The following CFAP47 variants were observed in gnomAD, a reference collection of about 807,000 sequenced individuals.
The protein encoded by CFAP47 is cilia and flagella associated protein 47.
In CFAP47, 29 loss-of-function variants were observed where a neutral mutation model predicts 148.1. The observed-to-expected ratio is 0.20, with a 90% confidence interval of 0.15 to 0.27. The LOEUF (loss-of-function observed/expected upper bound fraction) is 0.27, where lower values mean the gene tolerates loss of function less well. Among genes scored for constraint, CFAP47 ranks in the 10% least tolerant of loss-of-function variants. The pLI is 1.00. For synonymous variants in CFAP47, 664 were observed against 577.3 expected, an observed-to-expected ratio of 1.15 and a Z score of -2.15; for missense variants, 1,872 against 1,697.5, an observed-to-expected ratio of 1.10 and a Z score of -1.81.
chrX:36,090,864 T>C (rs1938172370), intron 30 of CFAP47, among the ~76,000 whole-genome samples: 1 of 111,879 alleles, frequency 8.9e-6, no homozygotes, highest in African/African-American at 3.2e-5. Context: ...GCTAGGATTT[T>C]TTAAGAAACA....
chrX:36,368,587 G>A (rs1411654527), intron 62 of CFAP47, among the ~76,000 whole-genome samples: 2 of 111,405 alleles, frequency 1.8e-5, no homozygotes, highest in Non-Finnish European at 3.8e-5. Flanking sequence ...TTCTCTTACA[G>A]TTTGAAAATA....
chrX:36,005,392 C>G (rs983373702), intron 21 of CFAP47, among the ~76,000 whole-genome samples: 11 of 111,803 alleles, frequency 9.8e-5, no homozygotes, highest in African/African-American at 3.6e-4. Context: ...TTCAGTTTTA[C>G]TCTTCAAAAT....
intron 33 of CFAP47, among the ~76,000 whole-genome samples, chrX:36,132,434 A>C (rs1346281094): frequency 8.9e-6 from 1 of 111,741 alleles, no homozygotes; most frequent in African/African-American, 3.2e-5. Flanking sequence ...ATATTTTGCT[A>C]GGTGTTGGGT....
At chrX:36,338,035 A>ATTTTTTTTTT (rs1209274928) in intron 57 of CFAP47, among the ~76,000 whole-genome samples, 97 of 46,564 alleles carry the variant, frequency 2.1e-3, no homozygotes, top group East Asian at 3.2e-3. Context: ...ACGCCTGGCT[A>ATTTTTTTTTT]TTTTTTTTTT....
intron 33 of CFAP47, among the ~76,000 whole-genome samples, chrX:36,128,682 T>A (rs1336634702): frequency 9.1e-6 from 1 of 110,349 alleles, no homozygotes; most frequent in Non-Finnish European, 1.9e-5. Context: ...TTATTTTCAT[T>A]ACATCCTGAA....
intron 49 of CFAP47, among the ~76,000 whole-genome samples, chrX:36,257,327 C>G (rs1555999138): frequency 9.8e-5 from 11 of 111,822 alleles, no homozygotes; most frequent in Non-Finnish European, 2.1e-4. Flanking sequence ...TGAACAAAAC[C>G]AGGCTAGAAG....
chrX:36,103,293 C>T (rs1380924033), intron 32 of CFAP47, among the ~76,000 whole-genome samples: 10 of 107,876 alleles, frequency 9.3e-5, no homozygotes, highest in African/African-American at 3.4e-4. Context: ...TCAGGTTTCG[C>T]TGTGGGCAAC....
intron 29 of CFAP47, among the ~76,000 whole-genome samples, chrX:36,074,334 C>T (rs185334026): frequency 2.7e-5 from 3 of 111,445 alleles, no homozygotes; most frequent in Admixed American, 1.9e-4. Flanking sequence ...GTGTACCTTG[C>T]GTAATTTCAC....
At chrX:36,295,327 CACCA>C (rs1941232261) in intron 51 of CFAP47, among the ~76,000 whole-genome samples, 1 of 112,151 alleles carries the variant, frequency 8.9e-6, no homozygotes, top group South Asian at 3.7e-4. Flanking sequence ...GCAAAACAGA[CACCA>C]ACCAAGTATT....
intron 45 of CFAP47, among the ~76,000 whole-genome samples, chrX:36,210,466 C>T (rs1940086777): frequency 8.9e-6 from 1 of 112,296 alleles, no homozygotes; most frequent in African/African-American, 3.2e-5. Context: ...TGATGTTGAG[C>T]ACCTTTCCAT....
At chrX:36,373,990 T>C (rs6527564) in intron 62 of CFAP47, among the ~76,000 whole-genome samples, 34,698 of 110,622 alleles carry the variant, frequency 0.31, 6,736 homozygotes, top group African/African-American at 0.73. Flanking sequence ...ATTTTTGCTT[T>C]CATGTTCATC....
chrX:36,060,105 T>G (rs1258091859), intron 26 of CFAP47, among the ~76,000 whole-genome samples: 1 of 111,553 alleles, frequency 9.0e-6, no homozygotes, highest in Non-Finnish European at 1.9e-5. Flanking sequence ...TGCAGAACCA[T>G]GAGCCATATA....
chrX:36,233,869 T>G (rs1555993334), intron 46 of CFAP47, among the ~76,000 whole-genome samples: 1 of 110,964 alleles, frequency 9.0e-6, no homozygotes, highest in African/African-American at 3.3e-5. Flanking sequence ...CTCCTTCACT[T>G]ATGAAGCTTA....
At chrX:35,974,522 A>G (rs1167782737) in intron 13 of CFAP47, among the ~76,000 whole-genome samples, 1 of 110,953 alleles carries the variant, frequency 9.0e-6, no homozygotes, top group Non-Finnish European at 1.9e-5. Flanking sequence ...GGTGGGAGAG[A>G]AGGAATGTAA....
At chrX:36,281,202 T>G (rs1459000694) in intron 50 of CFAP47, among the ~76,000 whole-genome samples, 5 of 112,041 alleles carry the variant, frequency 4.5e-5, no homozygotes, top group African/African-American at 1.3e-4. Flanking sequence ...ATGCAAGGCC[T>G]TAGTAAAGAA....
chrX:36,150,437 A>G (rs1939294776), intron 37 of CFAP47, among the ~76,000 whole-genome samples: 1 of 112,150 alleles, frequency 8.9e-6, no homozygotes, highest in Non-Finnish European at 1.9e-5. Context: ...AATGAACTTT[A>G]ACTAGTCTTG....
chrX:36,238,555 A>G (rs1940502048), intron 48 of CFAP47, among the ~76,000 whole-genome samples: 1 of 111,642 alleles, frequency 9.0e-6, no homozygotes, highest in African/African-American at 3.3e-5. Flanking sequence ...GACCTCTGTG[A>G]ACTCAAGGGC....
intron 58 of CFAP47, among the ~76,000 whole-genome samples, 199 bp downstream of exon 58, chrX:36,348,487 A>G (rs1556016949): frequency 1.8e-5 from 2 of 110,602 alleles, no homozygotes; most frequent in African/African-American, 6.6e-5. Context: ...AATAATATAT[A>G]CATATATATA....
intron 57 of CFAP47, among the ~76,000 whole-genome samples, chrX:36,330,034 A>T (rs1941551365): frequency 8.9e-6 from 1 of 112,306 alleles, no homozygotes; most frequent in Admixed American, 9.4e-5. Flanking sequence ...TAAATCTATC[A>T]TAATATCTTT....
Sources: gnomAD v4.1 joint callset for allele counts (sites outside exome capture counted in the v4.1 genomes callset) on GRCh38, gnomAD v4.1.1 for gene constraint, MANE v1.5 for transcripts, NCBI Gene and HGNC (gene_info 2026-07-23, HGNC 2026-07-21) for gene names.